The following CYFIP2 variants were observed in gnomAD, a reference collection of about 807,000 sequenced individuals.
CYFIP2 encodes cytoplasmic FMR1 interacting protein 2.
In CYFIP2, 29 loss-of-function variants were observed where a neutral mutation model predicts 158.7. That is an observed-to-expected ratio of 0.18 (90% CI 0.14 to 0.25). CYFIP2 has a LOEUF of 0.25. CYFIP2 is among the 10% of genes least tolerant of loss of function. The pLI, the probability that CYFIP2 is intolerant of heterozygous loss-of-function variation, is 1.00. For missense variants in CYFIP2, 852 were observed against 1,639.5 expected (o/e 0.52, Z 8.29); for synonymous variants, 585 against 617.6 (o/e 0.95, Z 0.78).
chr5:157,369,844 T>G (rs1764800351), intron 26 of CYFIP2, among the ~76,000 whole-genome samples: 1 of 150,864 alleles, frequency 6.6e-6, no homozygotes, highest in South Asian at 2.1e-4. Flanking sequence ...CTGAGGCCTG[T>G]CACAAGGAAA....
chr5:157,290,286 G>A (rs991571719), intron 3 of CYFIP2, among the ~76,000 whole-genome samples: 2 of 152,220 alleles, frequency 1.3e-5, no homozygotes, highest in African/African-American at 4.8e-5. Flanking sequence ...CAGCAGGGCC[G>A]CATTCCTTCT....
chr5:157,322,553 T>C (rs1007347101), intron 15 of CYFIP2, among the ~76,000 whole-genome samples: 10 of 152,222 alleles, frequency 6.6e-5, no homozygotes, highest in African/African-American at 2.4e-4. Flanking sequence ...GAAGAGTGCT[T>C]CTCGGCTCCT....
intron 13 of CYFIP2, among the ~76,000 whole-genome samples, chr5:157,319,081 G>A (rs1299902716): frequency 6.6e-6 from 1 of 152,172 alleles, no homozygotes; most frequent in East Asian, 1.9e-4. Flanking sequence ...AAACCTAGAA[G>A]GGAGGCCACA....
At chr5:157,289,172 C>G (rs1288701298) in intron 3 of CYFIP2, among the ~76,000 whole-genome samples, 1 of 152,178 alleles carries the variant, frequency 6.6e-6, no homozygotes, top group African/African-American at 2.4e-5. Context: ...GATTGCCAGT[C>G]CTGATCTCTT....
At chr5:157,309,634 C>T (rs978402996) in intron 9 of CYFIP2, 109 bp from the exon 10 acceptor site, 10 of 936,906 alleles carry the variant, frequency 1.1e-5, no homozygotes, top group Admixed American at 4.7e-5. Flanking sequence ...AACTAGGGGT[C>T]GGCCCCCAGG....
At chr5:157,368,865 G>C (rs1764692793) in intron 26 of CYFIP2, among the ~76,000 whole-genome samples, 1 of 151,508 alleles carries the variant, frequency 6.6e-6, no homozygotes, top group Admixed American at 6.6e-5. Flanking sequence ...GCCCTCCAGT[G>C]GTGGGCAAGA....
intron 28 of CYFIP2, among the ~76,000 whole-genome samples, chr5:157,388,709 C>CGTGA (rs771324856): frequency 4.7e-4 from 72 of 152,338 alleles, no homozygotes; most frequent in Non-Finnish European, 9.4e-4. Flanking sequence ...TTAACACTCA[C>CGTGA]TGGCTGCCTC....
intron 14 of CYFIP2, 109 bp downstream of exon 14, chr5:157,320,037 G>C: frequency 2.2e-6 from 3 of 1,336,216 alleles, no homozygotes; most frequent in Non-Finnish European, 3.1e-6. Context: ...CTTCCAGCAA[G>C]CTCCAGAGGG....
chr5:157,272,719 C>T (rs1756210283), intron 1 of CYFIP2, among the ~76,000 whole-genome samples: 1 of 152,094 alleles, frequency 6.6e-6, no homozygotes, highest in South Asian at 2.1e-4. Flanking sequence ...TCTATTTTAA[C>T]CTAAATCAGG....
chr5:157,306,910 C>A (rs1020143808), intron 8 of CYFIP2, among the ~76,000 whole-genome samples: 4 of 148,474 alleles, frequency 2.7e-5, no homozygotes, highest in Non-Finnish European at 4.5e-5. Context: ...AAAAAAAAAA[C>A]CGGAAATGCA....
chr5:157,299,970 TTTTCTC>T (rs1758603109), intron 5 of CYFIP2, among the ~76,000 whole-genome samples: 1 of 152,132 alleles, frequency 6.6e-6, no homozygotes, highest in Non-Finnish European at 1.5e-5. Flanking sequence ...GCTTGTCTGT[TTTTCTC>T]TTTTGTTTCC....
chr5:157,346,483 C>T (rs1312741490), intron 23 of CYFIP2, among the ~76,000 whole-genome samples: 3 of 152,046 alleles, frequency 2.0e-5, no homozygotes, highest in African/African-American at 4.8e-5. Context: ...GGGGAAGAAG[C>T]CAAGGGAAAA....
chr5:157,280,155 T>A (rs1016440535), intron 1 of CYFIP2, among the ~76,000 whole-genome samples: 1 of 152,200 alleles, frequency 6.6e-6, no homozygotes, highest in Non-Finnish European at 1.5e-5. Flanking sequence ...GGTACTATTA[T>A]GCTACAGAGG....
In CYFIP2 at chr5:157,384,667, C is replaced by T. The variant is rs553795745; in HGVS notation, c.3207+1308C>T. 8.3e-5 allele frequency: 31 copies of T among 374,652 alleles called. 1 individual carries two copies. The highest frequency in any genetic ancestry group is 4.0e-4 in the Admixed American group (13 of 32,602). 23.2% of individuals were successfully genotyped at this position (374,652 alleles called of 1,614,324 possible). On this transcript the variant is annotated intron_variant, in intron 28 of 30. Coordinates refer to ENST00000620254, the MANE Select transcript of CYFIP2 (RefSeq NM_001037333.3). ...TAAAAGCTAATCATGGGGCCGGGCG[C>T]GGTGGCTCACACCTGTAATCCCAGC...
chr5:157,307,655 G>GTGTGTGTGTT, intron 8 of CYFIP2, 106 bp from the exon 9 acceptor site: 1 of 614,154 alleles, frequency 1.6e-6, no homozygotes. Context: ...GTGTGTGTGT[G>GTGTGTGTGTT]TATGTGTGTG....
intron 9 of CYFIP2, among the ~76,000 whole-genome samples, chr5:157,309,505 T>G (rs748133517): frequency 6.6e-6 from 1 of 152,206 alleles, no homozygotes; most frequent in Non-Finnish European, 1.5e-5. Flanking sequence ...ACAAGTCACT[T>G]TGCCTCTCTG....
intron 20 of CYFIP2, 51 bp downstream of exon 20, chr5:157,330,901 C>T: frequency 7.1e-7 from 1 of 1,414,414 alleles, no homozygotes; most frequent in Non-Finnish European, 1.0e-6. Context: ...GAGAGAGCAG[C>T]TGCGAAGTTA....
At chr5:157,277,001 G>A (rs1047684791) in intron 1 of CYFIP2, 2 of 151,644 alleles carry the variant, frequency 1.3e-5, no homozygotes, top group Admixed American at 6.6e-5. Context: ...TGTATTCTAT[G>A]CTGATTTAAA....
intron 1 of CYFIP2, among the ~76,000 whole-genome samples, chr5:157,272,171 A>G (rs1756156478): frequency 6.6e-6 from 1 of 152,212 alleles, no homozygotes; most frequent in Non-Finnish European, 1.5e-5. Flanking sequence ...CAGTCTACTC[A>G]TAAACAACGA....
Sources: gnomAD v4.1 joint callset for allele counts (sites outside exome capture counted in the v4.1 genomes callset) on GRCh38, gnomAD v4.1.1 for gene constraint, MANE v1.5 for transcripts, NCBI Gene and HGNC (gene_info 2026-07-23, HGNC 2026-07-21) for gene names.